The following CMSS1 variants were observed in gnomAD, a reference collection of about 807,000 sequenced individuals.
The protein encoded by CMSS1 is cms1 ribosomal small subunit homolog.
Under a neutral mutation model 43.5 loss-of-function variants are expected in CMSS1, and 33 were observed. The ratio of observed to expected loss-of-function variants is 0.76; its 90% CI spans 0.57 to 1.01. CMSS1 has a LOEUF of 1.01. Among genes scored for constraint, CMSS1 ranks in the 50% least tolerant of loss-of-function variants. The pLI, the probability that CMSS1 is intolerant of heterozygous loss-of-function variation, is 0.00. For synonymous variants in CMSS1, 115 were observed against 117.2 expected, an observed-to-expected ratio of 0.98 and a Z score of 0.12; for missense variants, 313 against 326.4, an observed-to-expected ratio of 0.96 and a Z score of 0.32.
intron 1 of CMSS1, among the ~76,000 whole-genome samples, chr3:100,032,872 C>G (rs1219696717): frequency 1.3e-5 from 2 of 152,094 alleles, no homozygotes; most frequent in African/African-American, 4.8e-5. Flanking sequence ...TTGCTGCCAC[C>G]TAACATACAT....
intron 1 of CMSS1, chr3:99,848,353 G>T: frequency 6.2e-7 from 1 of 1,614,158 alleles, no homozygotes; most frequent in Non-Finnish European, 8.5e-7. Flanking sequence ...AATACTGCTG[G>T]TGACTTTATT....
intron 1 of CMSS1, among the ~76,000 whole-genome samples, chr3:100,068,746 G>A (rs1282694554): frequency 2.6e-5 from 4 of 152,118 alleles, no homozygotes; most frequent in Non-Finnish European, 4.4e-5. Context: ...TCCTGCCTCA[G>A]CCTCCCAAGT....
intron 1 of CMSS1, among the ~76,000 whole-genome samples, chr3:99,827,638 C>T (rs1942559884): frequency 6.6e-6 from 1 of 152,092 alleles, no homozygotes; most frequent in Non-Finnish European, 1.5e-5. Context: ...GAGTTTTGCT[C>T]TTACTGCCCA....
chr3:100,116,140 T>C (rs747454806), intron 1 of CMSS1, among the ~76,000 whole-genome samples: 5 of 152,190 alleles, frequency 3.3e-5, no homozygotes, highest in Non-Finnish European at 7.4e-5. Flanking sequence ...CCAAACCCAC[T>C]TGCTTAAGGT....
At chr3:99,975,363 C>T (rs1195142440) in intron 1 of CMSS1, among the ~76,000 whole-genome samples, 1 of 152,110 alleles carries the variant, frequency 6.6e-6, no homozygotes, top group Non-Finnish European at 1.5e-5. Flanking sequence ...AGACTGACAA[C>T]AGACAGGCAG....
chr3:99,883,188 T>G (rs1576545787), intron 1 of CMSS1, among the ~76,000 whole-genome samples: 1 of 152,214 alleles, frequency 6.6e-6, no homozygotes, highest in Non-Finnish European at 1.5e-5. Flanking sequence ...CTAGTTGTTA[T>G]TAATCAGTGC....
chr3:100,149,460 A>G (rs1472999515), intron 2 of CMSS1, among the ~76,000 whole-genome samples: 1 of 152,186 alleles, frequency 6.6e-6, no homozygotes, highest in Non-Finnish European at 1.5e-5. Flanking sequence ...ATTTTCTGCC[A>G]AGCAAAAAAA....
At chr3:100,087,686 A>G (rs1027910661) in intron 1 of CMSS1, among the ~76,000 whole-genome samples, 7 of 151,936 alleles carry the variant, frequency 4.6e-5, no homozygotes, top group African/African-American at 1.7e-4. Flanking sequence ...TTGCCATTTC[A>G]TTATATTAAT....
At chr3:100,014,498 A>G (rs931008160) in intron 1 of CMSS1, among the ~76,000 whole-genome samples, 1 of 152,000 alleles carries the variant, frequency 6.6e-6, no homozygotes, top group Non-Finnish European at 1.5e-5. Flanking sequence ...ATCCTCACCA[A>G]CACTTTTCTT....
Position 100,077,096 on chromosome 3 carries a change from A to T in CMSS1, c.65-69877A>T, listed in dbSNP as rs533712126. On this transcript the variant is annotated intron_variant, in intron 1 of 9. Transcript: ENST00000421999. ...CCGGTTAGGTCTCCCAAGGTCACAG[A>T]CAGCTGTGTTTTGCATTTAGCGTCC... Among the ~76,000 whole-genome samples the T allele has an allele frequency of 2.6e-5, 4 of 152,316 alleles. No individual in the cohort carries two copies. In the East Asian group the frequency reaches 7.7e-4, roughly 29 times the overall value.
chr3:100,050,940 A>C (rs2065360705), intron 1 of CMSS1, among the ~76,000 whole-genome samples: 1 of 152,202 alleles, frequency 6.6e-6, no homozygotes, highest in Non-Finnish European at 1.5e-5. Flanking sequence ...CAAGAATTTG[A>C]TCCAAAAGTC....
At chr3:100,087,168 G>A (rs1299732731) in intron 1 of CMSS1, among the ~76,000 whole-genome samples, 2 of 152,210 alleles carry the variant, frequency 1.3e-5, no homozygotes, top group East Asian at 1.9e-4. Flanking sequence ...TAATGTTCAC[G>A]TACAGGTTTT....
Position 100,171,855 on chromosome 3 carries a change from A to G in CMSS1, c.535A>G (p.Arg179Gly). 1 of 1,613,986 alleles carries G rather than the reference A, an allele frequency of 6.2e-7. No homozygotes were observed. Among genetic ancestry groups the G allele is most frequent in the Non-Finnish European group, 8.5e-7 (1 of 1,179,912 alleles). Residue 179 changes from arginine to glycine, a missense_variant, in exon 7 of 10, where the codon AGA becomes GGA. Arg to Gly is a moderately radical substitution (Grantham distance 125). Coordinates refer to ENST00000421999, the MANE Select transcript of CMSS1 (RefSeq NM_032359.4). ...TTTCATTAGGTCGATGACAGCATTC[A>G]GAGGAGACGGCAAAGTTATAAAATT... The part of the protein sequence containing the change: ...LELIRSMTAF[R>G]GDGKVIKLFA...
intron 1 of CMSS1, among the ~76,000 whole-genome samples, chr3:99,956,747 T>A (rs1487435828): frequency 6.6e-6 from 1 of 152,204 alleles, no homozygotes; most frequent in Non-Finnish European, 1.5e-5. Flanking sequence ...CACTATTGGT[T>A]CTTTTTCCAC....
At chr3:100,132,855 T>C (rs1400086208) in intron 1 of CMSS1, among the ~76,000 whole-genome samples, 1 of 150,052 alleles carries the variant, frequency 6.7e-6, no homozygotes, top group Non-Finnish European at 1.5e-5. Context: ...AAGTAAAATA[T>C]TTAGTCTCAT....
chr3:100,101,566 A>G (rs1031611751), intron 1 of CMSS1, among the ~76,000 whole-genome samples: 3 of 152,224 alleles, frequency 2.0e-5, no homozygotes, highest in South Asian at 2.1e-4. Flanking sequence ...AAAGTAACAC[A>G]TGCACTCTCT....
At chr3:99,855,897 C>T (rs1943938023) in intron 1 of CMSS1, among the ~76,000 whole-genome samples, 2 of 152,176 alleles carry the variant, frequency 1.3e-5, no homozygotes, top group Admixed American at 6.5e-5. Context: ...ATTAACAAAT[C>T]GGACAGCCAA....
chr3:99,855,912 G>A (rs760509247), intron 1 of CMSS1, among the ~76,000 whole-genome samples: 3 of 152,220 alleles, frequency 2.0e-5, no homozygotes, highest in Admixed American at 6.5e-5. Flanking sequence ...AGCCAAACCA[G>A]TCATTCAGGA....
At chr3:100,039,951 C>G (rs1193856474) in intron 1 of CMSS1, 2 of 152,122 alleles carry the variant, frequency 1.3e-5, no homozygotes, top group Non-Finnish European at 2.9e-5. Flanking sequence ...GATGGGGTTT[C>G]ACTGTGTTAG....
Sources: allele counts gnomAD v4.1 joint callset (sites outside exome capture counted in the v4.1 genomes callset), GRCh38; gene constraint gnomAD v4.1.1; transcripts MANE v1.5; gene names NCBI Gene and HGNC (gene_info 2026-07-23, HGNC 2026-07-21).